Variants in CAMKMT observed in about 807,000 individuals in gnomAD.
CAMKMT encodes the protein CaM KMT.
In CAMKMT, 53 loss-of-function variants were observed where a neutral mutation model predicts 48.0. The ratio of observed to expected loss-of-function variants is 1.10; its 90% CI spans 0.89 to 1.39. CAMKMT has a LOEUF of 1.39. Among genes scored for constraint, CAMKMT ranks in the 40% most tolerant of loss-of-function variants. CAMKMT has a pLI of 0.00. For missense variants in CAMKMT, 428 were observed against 402.7 expected (o/e 1.06, Z -0.54); for synonymous variants, 165 against 152.3 (o/e 1.08, Z -0.61).
At position 44,480,993 on chromosome 2, in the gene CAMKMT, T is replaced by C. The variant is rs1668938771; in HGVS notation, c.376+90688T>C. ...AGATACATGCCTATACTTTCTATCA[T>C]CCATATTATGTGTGTGTGTGTGTGT... On this transcript the variant is annotated intron_variant, in intron 3 of 10. Coordinates refer to ENST00000378494, the MANE Select transcript of CAMKMT (RefSeq NM_024766.5). 3.3e-5 allele frequency among the ~76,000 whole-genome samples: 5 copies of C among 151,936 alleles called. No individual in the cohort carries two copies. In the South Asian group the frequency reaches 1.0e-3, roughly 32 times the overall value.
At position 44,492,074 on chromosome 2, in the gene CAMKMT, T is replaced by C. The variant is rs567519792; in HGVS notation, c.376+101769T>C. On this transcript the variant is annotated intron_variant, in intron 3 of 10. Coordinates refer to ENST00000378494, the MANE Select transcript of CAMKMT (RefSeq NM_024766.5). ...TCTTAGTTATGATTTTATTGTTCAC[T>C]TCATTTGAAGGACAGAGAAAAAAAG... Among the ~76,000 whole-genome samples, 559 of 152,294 alleles carry C rather than the reference T, an allele frequency of 3.7e-3. 1 individual carries two copies. Among genetic ancestry groups the C allele is most frequent in the African/African-American group, 0.013 (537 of 41,576 alleles).
intron 7 of CAMKMT, among the ~76,000 whole-genome samples, chr2:44,716,561 G>A (rs1678184854): frequency 2.0e-5 from 3 of 152,126 alleles, no homozygotes; most frequent in African/African-American, 7.2e-5. Flanking sequence ...CATATTCTGT[G>A]TTTCTCATAT....
intron 7 of CAMKMT, among the ~76,000 whole-genome samples, chr2:44,730,532 G>A (rs1679026011): frequency 1.3e-5 from 2 of 152,172 alleles, no homozygotes; most frequent in African/African-American, 2.4e-5. Flanking sequence ...ATAGACAGAC[G>A]ACTCCCAAAT....
chr2:44,664,935 G>A (rs1418371102), intron 3 of CAMKMT, among the ~76,000 whole-genome samples: 1 of 152,184 alleles, frequency 6.6e-6, no homozygotes, highest in Non-Finnish European at 1.5e-5. Flanking sequence ...CTGTAGAGTA[G>A]ATACTGGAAG....
At chr2:44,539,479 C>T (rs1411299455) in intron 3 of CAMKMT, among the ~76,000 whole-genome samples, 2 of 152,060 alleles carry the variant, frequency 1.3e-5, no homozygotes, top group African/African-American at 4.8e-5. Context: ...GTACAATTAT[C>T]AAAATCAGGA....
intron 2 of CAMKMT, among the ~76,000 whole-genome samples, chr2:44,388,854 C>T (rs372635656): frequency 1.1e-4 from 17 of 152,212 alleles, no homozygotes; most frequent in African/African-American, 4.1e-4. Flanking sequence ...GTGATGTGAA[C>T]TGTCTATGGG....
chr2:44,523,098 T>C (rs1229410136), intron 3 of CAMKMT, among the ~76,000 whole-genome samples: 2 of 152,100 alleles, frequency 1.3e-5, no homozygotes, highest in African/African-American at 4.8e-5. Flanking sequence ...AGCACCAAAC[T>C]TTTAGTAATG....
At chr2:44,662,999 A>G (rs138215198) in intron 3 of CAMKMT, among the ~76,000 whole-genome samples, 7 of 152,348 alleles carry the variant, frequency 4.6e-5, no homozygotes, top group African/African-American at 1.7e-4. Context: ...ATAATTACAT[A>G]TAAGTTTTTT....
At chr2:44,413,649 CT>C (rs1667841346) in intron 3 of CAMKMT, among the ~76,000 whole-genome samples, 1 of 142,080 alleles carries the variant, frequency 7.0e-6, no homozygotes, top group African/African-American at 2.6e-5. Context: ...GAGACTCCGT[CT>C]CAAAAAAAAA....
chr2:44,400,228 A>G (rs971097584), intron 3 of CAMKMT, among the ~76,000 whole-genome samples: 3 of 152,220 alleles, frequency 2.0e-5, no homozygotes, highest in African/African-American at 7.2e-5. Flanking sequence ...AAACTAATAG[A>G]AACTGAGTTC....
At chr2:44,489,427 G>T (rs1669377319) in intron 3 of CAMKMT, among the ~76,000 whole-genome samples, 1 of 151,904 alleles carries the variant, frequency 6.6e-6, no homozygotes, top group African/African-American at 2.4e-5. Context: ...TGTATTTTTA[G>T]TAAAGACGGG....
chr2:44,687,533 G>T (rs1676404902), intron 3 of CAMKMT, among the ~76,000 whole-genome samples: 1 of 152,122 alleles, frequency 6.6e-6, no homozygotes, highest in Non-Finnish European at 1.5e-5. Context: ...CTTGTTTTAG[G>T]GTGGCCTCAC....
At chr2:44,394,154 A>C (rs554821329) in intron 3 of CAMKMT, among the ~76,000 whole-genome samples, 1 of 152,092 alleles carries the variant, frequency 6.6e-6, no homozygotes, top group Non-Finnish European at 1.5e-5. Context: ...TAATCCTTTA[A>C]AGGATAGGAG....
At chr2:44,406,346 T>A (rs1169821366) in intron 3 of CAMKMT, among the ~76,000 whole-genome samples, 1 of 152,162 alleles carries the variant, frequency 6.6e-6, no homozygotes, top group Non-Finnish European at 1.5e-5. Flanking sequence ...AATTGTGCCC[T>A]AGTAAATGTT....
intron 3 of CAMKMT, among the ~76,000 whole-genome samples, chr2:44,588,421 C>T (rs1670032075): frequency 6.3e-3 from 1 of 160 alleles, no homozygotes; most frequent in Admixed American, 0.045. Flanking sequence ...CCGCCCCGTC[C>T]GGGAGGGGGG....
At chr2:44,574,609 A>G (rs1185551168) in intron 3 of CAMKMT, among the ~76,000 whole-genome samples, 1 of 144,624 alleles carries the variant, frequency 6.9e-6, no homozygotes, top group Non-Finnish European at 1.5e-5. Context: ...ATACAGGGGG[A>G]AAAAAAAGTC....
chr2:44,568,054 G>C (rs1372284365), intron 3 of CAMKMT, among the ~76,000 whole-genome samples: 2 of 151,794 alleles, frequency 1.3e-5, no homozygotes, highest in Non-Finnish European at 2.9e-5. Flanking sequence ...CTTTGCCAGG[G>C]GCCAGGGTGG....
At chr2:44,769,739 GC>G (rs1463086426) in intron 10 of CAMKMT, among the ~76,000 whole-genome samples, 1 of 152,092 alleles carries the variant, frequency 6.6e-6, no homozygotes, top group East Asian at 1.9e-4. Flanking sequence ...CTTGGGCTGG[GC>G]TGTGAAGTCA....
chr2:44,718,528 G>A (rs1678291077), intron 7 of CAMKMT, among the ~76,000 whole-genome samples: 1 of 152,184 alleles, frequency 6.6e-6, no homozygotes, highest in Non-Finnish European at 1.5e-5. Flanking sequence ...ACTAAATATA[G>A]CTAGAGATTG....
Sources: allele counts gnomAD v4.1 joint callset (sites outside exome capture counted in the v4.1 genomes callset), GRCh38; gene constraint gnomAD v4.1.1; transcripts MANE v1.5; gene names NCBI Gene and HGNC (gene_info 2026-07-23, HGNC 2026-07-21).